JAZF1: variants seen among roughly 807,000 people sequenced by gnomAD.
JAZF1 encodes the protein JAZF zinc finger 1, also known as juxtaposed with another zinc finger protein 1.
JAZF1 carries 8 observed loss-of-function variants against 26.4 expected under a neutral mutation model. The observed-to-expected ratio is 0.30, with a 90% confidence interval of 0.18 to 0.55. The LOEUF (loss-of-function observed/expected upper bound fraction) is 0.55, where lower values mean the gene tolerates loss of function less well. JAZF1 is among the 20% of genes least tolerant of loss of function. The probability of loss-of-function intolerance (pLI) is 0.94; values close to 1 mark genes in which losing one functional copy is unlikely to be tolerated. For synonymous variants in JAZF1, 126 were observed against 122.3 expected (o/e 1.03, Z -0.20); for missense variants, 199 against 322.0 (o/e 0.62, Z 2.92).
At chr7:27,835,649 T>C (rs957610427) in intron 4 of JAZF1, among the ~76,000 whole-genome samples, 2 of 152,200 alleles carry the variant, frequency 1.3e-5, no homozygotes, top group Non-Finnish European at 2.9e-5. Flanking sequence ...GTTGCCCTTA[T>C]CGCAAATGTT....
chr7:28,068,491 TG>T (rs1314245973), intron 1 of JAZF1, among the ~76,000 whole-genome samples: 1 of 152,168 alleles, frequency 6.6e-6, no homozygotes, highest in East Asian at 1.9e-4. Context: ...CAAACTTCCC[TG>T]AAGACCTTGC....
At chr7:27,970,743 C>A (rs1238282801) in intron 2 of JAZF1, among the ~76,000 whole-genome samples, 2 of 152,220 alleles carry the variant, frequency 1.3e-5, no homozygotes, top group Non-Finnish European at 2.9e-5. Flanking sequence ...ATTAGTGTAT[C>A]ACAAGTTTGT....
chr7:27,942,730 G>T (rs1175259066), intron 2 of JAZF1, among the ~76,000 whole-genome samples: 1 of 152,198 alleles, frequency 6.6e-6, no homozygotes, highest in African/African-American at 2.4e-5. Context: ...AGTAGAAAAG[G>T]ACAGGGTGAT....
chr7:28,129,379 C>G (rs1338904729), intron 1 of JAZF1, among the ~76,000 whole-genome samples: 2 of 152,074 alleles, frequency 1.3e-5, no homozygotes, highest in Non-Finnish European at 2.9e-5. Context: ...ACATCAGAAT[C>G]ACTTGTGATG....
chr7:27,953,231 T>TA (rs1785040076), intron 2 of JAZF1, among the ~76,000 whole-genome samples: 1 of 152,252 alleles, frequency 6.6e-6, no homozygotes, highest in Non-Finnish European at 1.5e-5. Context: ...TAAGCTGTTC[T>TA]AATCTTACCT....
At chr7:27,927,755 A>T (rs1483317209) in intron 2 of JAZF1, among the ~76,000 whole-genome samples, 1 of 152,188 alleles carries the variant, frequency 6.6e-6, no homozygotes, top group Admixed American at 6.5e-5. Flanking sequence ...AAAATAATTC[A>T]TAATGGTAGA....
chr7:28,126,520 T>A (rs1583574675), intron 1 of JAZF1, among the ~76,000 whole-genome samples: 1 of 131,128 alleles, frequency 7.6e-6, no homozygotes, highest in African/African-American at 2.9e-5. Context: ...CCAGGCAAGG[T>A]GGGGGGAAGC....
chr7:28,003,399 G>A (rs866413595), intron 1 of JAZF1, among the ~76,000 whole-genome samples: 15 of 152,098 alleles, frequency 9.9e-5, no homozygotes, highest in Admixed American at 2.0e-4. Flanking sequence ...TCTTTTGGTC[G>A]TTTTAAGACT....
intron 1 of JAZF1, among the ~76,000 whole-genome samples, chr7:28,042,056 G>A (rs1783401376): frequency 6.6e-6 from 1 of 152,228 alleles, no homozygotes; most frequent in African/African-American, 2.4e-5. Flanking sequence ...GCCCTCTTGG[G>A]GAAGCACAGA....
At chr7:28,117,181 AT>A (rs1680856409) in intron 1 of JAZF1, among the ~76,000 whole-genome samples, 1 of 152,064 alleles carries the variant, frequency 6.6e-6, no homozygotes, top group East Asian at 1.9e-4. Flanking sequence ...TGTCATTTGA[AT>A]TTGCTTATGG....
At chr7:28,041,967 C>T (rs1478674380) in intron 1 of JAZF1, among the ~76,000 whole-genome samples, 1 of 152,162 alleles carries the variant, frequency 6.6e-6, no homozygotes, top group Non-Finnish European at 1.5e-5. Flanking sequence ...GAAGTGCTGC[C>T]CTCAAACACA....
chr7:27,908,360 C>T (rs1010999286), intron 2 of JAZF1, among the ~76,000 whole-genome samples: 1 of 152,122 alleles, frequency 6.6e-6, no homozygotes, highest in Non-Finnish European at 1.5e-5. Context: ...AGCCAGTTTC[C>T]AGCATGGGCT....
chr7:28,056,430 A>G (rs1783709267), intron 1 of JAZF1, among the ~76,000 whole-genome samples: 1 of 117,308 alleles, frequency 8.5e-6, no homozygotes. Context: ...AACTATTTCA[A>G]CAACTACACA....
chr7:28,073,279 C>T (rs923039720), intron 1 of JAZF1, among the ~76,000 whole-genome samples: 10 of 152,168 alleles, frequency 6.6e-5, no homozygotes, highest in African/African-American at 4.8e-5. Flanking sequence ...CTGGGCTTCC[C>T]ATGAAGCCCA....
intron 2 of JAZF1, among the ~76,000 whole-genome samples, chr7:27,983,274 A>C (rs1383764853): frequency 1.3e-5 from 2 of 152,232 alleles, no homozygotes; most frequent in African/African-American, 4.8e-5. Context: ...GGAGCTGAAA[A>C]CCATGGCACG....
At chr7:28,000,167 A>C (rs1175555789) in intron 1 of JAZF1, among the ~76,000 whole-genome samples, 1 of 152,182 alleles carries the variant, frequency 6.6e-6, no homozygotes, top group Admixed American at 6.5e-5. Context: ...GAATATTTAT[A>C]GAGACACTTT....
chr7:28,039,520 CTT>C (rs1783353963), intron 1 of JAZF1, among the ~76,000 whole-genome samples: 1 of 152,162 alleles, frequency 6.6e-6, no homozygotes, highest in Admixed American at 6.5e-5. Flanking sequence ...TTATAACTGA[CTT>C]ACTGAGATAT....
intron 1 of JAZF1, among the ~76,000 whole-genome samples, chr7:28,021,980 C>T (rs909402381): frequency 6.6e-6 from 1 of 152,188 alleles, no homozygotes; most frequent in Non-Finnish European, 1.5e-5. Context: ...CTTTTGGTTG[C>T]TGTGAAGATT....
chr7:27,875,670 G>A (rs559065977), intron 3 of JAZF1, among the ~76,000 whole-genome samples: 6 of 152,196 alleles, frequency 3.9e-5, no homozygotes, highest in Admixed American at 3.3e-4. Context: ...CCCTGCATGG[G>A]CTCTGAGCTC....
Sources: allele counts gnomAD v4.1 joint callset (sites outside exome capture counted in the v4.1 genomes callset), GRCh38; gene constraint gnomAD v4.1.1; transcripts MANE v1.5; gene names NCBI Gene and HGNC (gene_info 2026-07-23, HGNC 2026-07-21).